STK10: variants seen among roughly 807,000 people sequenced by gnomAD.
STK10 encodes serine/threonine kinase 10.
In STK10, 78 loss-of-function variants were observed where a neutral mutation model predicts 113.8. That is an observed-to-expected ratio of 0.69 (90% CI 0.57 to 0.83). The LOEUF (loss-of-function observed/expected upper bound fraction) is 0.83, where lower values mean the gene tolerates loss of function less well. STK10 is among the 40% of genes least tolerant of loss of function. STK10 has a pLI of 0.00. For missense variants in STK10, 1,109 were observed against 1,280.1 expected, an observed-to-expected ratio of 0.87 and a Z score of 2.04; for synonymous variants, 465 against 494.7, an observed-to-expected ratio of 0.94 and a Z score of 0.80.
chr5:172,107,929 C>T (rs529762944), intron 4 of STK10, 77 bp from the exon 5 acceptor site: 51 of 1,294,922 alleles, frequency 3.9e-5, no homozygotes, highest in African/African-American at 8.8e-5. Context: ...CTCAGGGGTA[C>T]ACATTCCAAG....
chr5:172,144,662 C>T (rs1336247834), intron 2 of STK10, among the ~76,000 whole-genome samples: 1 of 152,100 alleles, frequency 6.6e-6, no homozygotes, highest in Non-Finnish European at 1.5e-5. Flanking sequence ...CCACCACATT[C>T]GAAGGAAGCC....
intron 13 of STK10, 141 bp from the exon 14 acceptor site, chr5:172,061,409 A>C: frequency 1.6e-6 from 2 of 1,233,294 alleles, no homozygotes; most frequent in Non-Finnish European, 2.2e-6. Flanking sequence ...GAGAAATTTA[A>C]GGGAGACTTA....
intron 10 of STK10, 42 bp from the exon 11 acceptor site, chr5:172,083,126 G>T: frequency 6.2e-7 from 1 of 1,610,006 alleles, no homozygotes. Flanking sequence ...GTAAGAAACT[G>T]GCTTCAGAGA....
At position 172,087,624 on chromosome 5, in the gene STK10, T is replaced by TTTATTTA. The variant is rs201053673; in HGVS notation, c.1685+2607_1685+2608insTAAATAA. 5.2e-4 allele frequency among the ~76,000 whole-genome samples: 46 copies of TTTATTTA among 88,792 alleles called. 7 individuals carry two copies. Among genetic ancestry groups the TTTATTTA allele is most frequent in the African/African-American group, 3.0e-3 (46 of 15,576 alleles). 58.3% of individuals were successfully genotyped at this position (88,792 alleles called of 152,430 possible). On this transcript the variant is annotated intron_variant, in intron 10 of 18. Transcript: ENST00000176763. ...TTTTTTAAATTTATTTACTTATTTA[T>TTTATTTA]TTTTTTTTTTTTTTTGAGACGGAGT...
rs145234297 is a variant in STK10 at position 172,117,077 on chromosome 5, G to A, written c.520+404C>T. Among the ~76,000 whole-genome samples, 608 of 152,022 alleles carry A rather than the reference G, an allele frequency of 4.0e-3. 12 individuals carry two copies. The highest frequency in any genetic ancestry group is 0.014 in the African/African-American group (583 of 41,458). ...GCAGATCACTTGAGATGAGGAGTTC[G>A]AGACCAGCTTGGCCAACATGGTGAA... On this transcript the variant is annotated intron_variant, in intron 4 of 18. Transcript: ENST00000176763.
chr5:172,149,773 C>T (rs565278245), intron 2 of STK10, among the ~76,000 whole-genome samples: 5 of 152,230 alleles, frequency 3.3e-5, no homozygotes, highest in African/African-American at 4.8e-5. Context: ...GGGCCGGGCG[C>T]GGTGGCTCAT....
intron 4 of STK10, among the ~76,000 whole-genome samples, chr5:172,114,264 T>C (rs2113773839): frequency 6.7e-6 from 1 of 148,600 alleles, no homozygotes; most frequent in South Asian, 2.1e-4. Flanking sequence ...TTATTCCAAA[T>C]TGTGTACAGG....
intron 2 of STK10, among the ~76,000 whole-genome samples, chr5:172,150,926 C>T (rs1397343783): frequency 6.6e-6 from 1 of 152,226 alleles, no homozygotes; most frequent in African/African-American, 2.4e-5. Flanking sequence ...TTGGGCTGGG[C>T]CACCCCAAAG....
At position 172,044,737 on chromosome 5, in the gene STK10, C is replaced by T. The variant is rs1767459475; in HGVS notation, c.*145G>A. ...AACGCTGGGGCAGGTCTATCAGGCA[C>T]AGTTGGGGTGGCACAGGGCGAGGGG... is the stretch of plus-strand genomic sequence containing the variant. On this transcript the variant is annotated 3_prime_UTR_variant, in exon 19 of 19. Transcript: ENST00000176763. The surrounding 1 kb of genome is among the most constrained non-coding windows in gnomAD (Gnocchi z 4.5). The T allele has an allele frequency of 1.5e-6, 2 of 1,364,240 alleles. No individual in the cohort carries two copies. Among genetic ancestry groups the T allele is most frequent in the African/African-American group, 1.4e-5 (1 of 69,988 alleles). 84.5% of individuals were successfully genotyped at this position (1,364,240 alleles called of 1,614,324 possible). A position where few individuals can be genotyped will look rare whatever the true frequency, so the allele number is the denominator to read the frequency against.
chr5:172,112,120 T>C (rs1769250023), intron 4 of STK10, among the ~76,000 whole-genome samples: 2 of 152,222 alleles, frequency 1.3e-5, no homozygotes, highest in Admixed American at 6.5e-5. Flanking sequence ...GAGGCTGTAT[T>C]TGTATGGACT....
rs575233878 is a variant in STK10 at position 172,187,386 on chromosome 5, T to C, written c.156+501A>G. ...CCACCCCTCGCCCACCCCACTTCCC[T>C]GTCTCTGGCTCATCTTCAGATGTGT... On this transcript the variant is annotated intron_variant, in intron 1 of 18. Coordinates refer to ENST00000176763, the MANE Select transcript of STK10 (RefSeq NM_005990.4). This position sits in a 1 kb window ranked among gnomAD's most constrained non-coding sequence, Gnocchi z 4.6. Among the ~76,000 whole-genome samples, 31 of 151,104 alleles carry C rather than the reference T, an allele frequency of 2.1e-4. No homozygotes were observed. Among genetic ancestry groups the C allele is most frequent in the Admixed American group, 6.6e-4 (10 of 15,232 alleles).
At chr5:172,164,862 C>T (rs1581187276) in intron 1 of STK10, among the ~76,000 whole-genome samples, 1 of 152,222 alleles carries the variant, frequency 6.6e-6, no homozygotes, top group Non-Finnish European at 1.5e-5. Flanking sequence ...GGCCGGGTTC[C>T]GGCGCACGAT....
chr5:172,043,467 C>G lies in STK10; in HGVS notation c.*1415G>C, dbSNP rs1353178039. Reference sequence around the variant, plus strand: ...CAGACTCAATATGCCCGCATGATTACTCCAAATCATTACCAGTTTTGTGTT... The same window carrying G: ...CAGACTCAATATGCCCGCATGATTAGTCCAAATCATTACCAGTTTTGTGTT... On this transcript the variant is annotated 3_prime_UTR_variant, in exon 19 of 19. Coordinates refer to ENST00000176763, the MANE Select transcript of STK10 (RefSeq NM_005990.4). 1 of 152,198 alleles carries G rather than the reference C, an allele frequency of 6.6e-6. No homozygotes were observed. The highest frequency in any genetic ancestry group is 1.5e-5 in the Non-Finnish European group (1 of 68,038). 9.4% of individuals were successfully genotyped at this position (152,198 alleles called of 1,614,324 possible). A position where few individuals can be genotyped will look rare whatever the true frequency, so the allele number is the denominator to read the frequency against.
At chr5:172,115,340 A>C (rs1769355914) in intron 4 of STK10, among the ~76,000 whole-genome samples, 1 of 152,200 alleles carries the variant, frequency 6.6e-6, no homozygotes, top group Non-Finnish European at 1.5e-5. Flanking sequence ...AGGCAGCAGC[A>C]GATGATGCCG....
chr5:172,060,406 C>CAATA (rs1411838099), intron 14 of STK10, among the ~76,000 whole-genome samples: 1 of 151,944 alleles, frequency 6.6e-6, no homozygotes, highest in East Asian at 1.9e-4. Flanking sequence ...GACCCTGTCT[C>CAATA]AATAAATAAA....
At chr5:172,091,535 T>TTTTC (rs1768706096) in intron 9 of STK10, among the ~76,000 whole-genome samples, 1 of 149,930 alleles carries the variant, frequency 6.7e-6, no homozygotes, top group African/African-American at 2.5e-5. Context: ...AAGCCTCTTT[T>TTTTC]TTTTTTTTTT....
At chr5:172,045,391 G>T (rs911166401) in intron 18 of STK10, 1 of 482,574 alleles carries the variant, frequency 2.1e-6, no homozygotes, top group South Asian at 1.5e-5. Flanking sequence ...AGGAAGCAGA[G>T]ATGTCAGAAG....
At chr5:172,079,001 C>T (rs1768373802) in intron 12 of STK10, among the ~76,000 whole-genome samples, 5 of 151,976 alleles carry the variant, frequency 3.3e-5, no homozygotes, top group South Asian at 2.1e-4. Flanking sequence ...TGTGACAGGG[C>T]GCAGAGCCAA....
intron 13 of STK10, chr5:172,061,469 C>G: frequency 1.6e-6 from 1 of 629,882 alleles, no homozygotes; most frequent in Non-Finnish European, 2.5e-6. Flanking sequence ...GATCCTGGAT[C>G]AAAGAACAGT....
Sources: gnomAD v4.1 joint callset for allele counts (sites outside exome capture counted in the v4.1 genomes callset) on GRCh38, gnomAD v4.1.1 for gene constraint, Gnocchi (gnomAD v3.1) non-coding constraint, MANE v1.5 for transcripts, NCBI Gene and HGNC (gene_info 2026-07-23, HGNC 2026-07-21) for gene names.